The following LINGO2 variants were observed in gnomAD, a reference collection of about 807,000 sequenced individuals.
LINGO2 encodes leucine-rich repeat and immunoglobulin-like domain-containing nogo receptor-interacting protein 2.
LINGO2 carries 14 observed loss-of-function variants against 30.6 expected under a neutral mutation model. The ratio of observed to expected loss-of-function variants is 0.46; its 90% CI spans 0.30 to 0.72. The LOEUF is 0.72. Ranked by LOEUF, LINGO2 falls within the 30% of genes least tolerant of loss-of-function variation. The probability of loss-of-function intolerance (pLI) is 0.07; values close to 1 mark genes in which losing one functional copy is unlikely to be tolerated. For missense variants in LINGO2, 729 were observed against 751.7 expected (o/e 0.97, Z 0.35); for synonymous variants, 317 against 288.5 (o/e 1.10, Z -1.00).
the LINGO2 span, among the ~76,000 whole-genome samples, chr9:28,942,025 G>C: frequency 3.9e-4 from 59 of 152,062 alleles, no homozygotes; most frequent in Non-Finnish European, 6.5e-4. Flanking sequence ...TTTTGTTCCT[G>C]ACTCTTCCCT....
At position 28,616,116 on chromosome 9, in the gene LINGO2, G is replaced by A. The variant is rs77033067; in HGVS notation, c.-365+54084C>T. On this transcript the variant is annotated intron_variant, in intron 1 of 5. Coordinates refer to ENST00000379992, the Ensembl canonical transcript of LINGO2. The stretch of plus-strand genomic sequence containing the variant: ...TCAATTTGTGAAAGTTCATCAAGCT[G>A]TACATTAATGATTTGTGTACTTTTC... Among the ~76,000 whole-genome samples, 228 of 152,196 alleles carry A rather than the reference G, an allele frequency of 1.5e-3. 1 individual carries two copies. The highest frequency in any genetic ancestry group is 2.6e-3 in the Non-Finnish European group (175 of 67,992).
intron 2 of LINGO2, among the ~76,000 whole-genome samples, chr9:28,392,451 G>C (rs1283422050): frequency 6.6e-6 from 1 of 152,162 alleles, no homozygotes; most frequent in East Asian, 1.9e-4. Flanking sequence ...TTACACATTA[G>C]TGAGTAGAAA....
intron 5 of LINGO2, among the ~76,000 whole-genome samples, chr9:27,965,303 TC>T (rs1375293094): frequency 9.2e-5 from 14 of 151,998 alleles, no homozygotes; most frequent in Admixed American, 2.6e-4. Context: ...TTTTTTGAGC[TC>T]TTAACTTTTA....
chr9:28,032,150 C>CA (rs1462113653), intron 4 of LINGO2, among the ~76,000 whole-genome samples: 1 of 151,968 alleles, frequency 6.6e-6, no homozygotes, highest in Non-Finnish European at 1.5e-5. Context: ...GCTGTCCTGT[C>CA]ATGAAGTAGG....
chr9:28,973,638 T>C, the LINGO2 span, among the ~76,000 whole-genome samples: 2 of 152,200 alleles, frequency 1.3e-5, no homozygotes, highest in East Asian at 1.9e-4. Context: ...TCCCCAGCCA[T>C]GTGGAACTGT....
At chr9:28,457,269 A>G (rs1824888510) in intron 2 of LINGO2, among the ~76,000 whole-genome samples, 1 of 152,196 alleles carries the variant, frequency 6.6e-6, no homozygotes, top group Non-Finnish European at 1.5e-5. Context: ...TATATAGCTA[A>G]TCACATAGTA....
chr9:29,007,905 A>C, the LINGO2 span, among the ~76,000 whole-genome samples: 3 of 152,026 alleles, frequency 2.0e-5, no homozygotes, highest in Non-Finnish European at 4.4e-5. Context: ...GATATTCTTG[A>C]AAGCCGTAAT....
intron 4 of LINGO2, among the ~76,000 whole-genome samples, chr9:28,248,746 C>G (rs1822092916): frequency 6.6e-6 from 1 of 152,098 alleles, no homozygotes; most frequent in Non-Finnish European, 1.5e-5. Context: ...TATACAACTA[C>G]TATGTATCCA....
At chr9:28,400,850 A>G (rs1157579237) in intron 2 of LINGO2, among the ~76,000 whole-genome samples, 1 of 152,242 alleles carries the variant, frequency 6.6e-6, no homozygotes, top group African/African-American at 2.4e-5. Context: ...TTAATTCAAC[A>G]TATGAGGGTG....
At chr9:28,033,532 G>T (rs1823784351) in intron 4 of LINGO2, among the ~76,000 whole-genome samples, 1 of 152,178 alleles carries the variant, frequency 6.6e-6, no homozygotes, top group South Asian at 2.1e-4. Context: ...CGGTATAGTT[G>T]TAAAAGGCTA....
the LINGO2 span, among the ~76,000 whole-genome samples, chr9:29,154,823 C>A: frequency 6.6e-6 from 1 of 152,090 alleles, no homozygotes; most frequent in Non-Finnish European, 1.5e-5. Flanking sequence ...GAGGGGAAAG[C>A]AAAAATTCTG....
At chr9:29,029,892 A>G in the LINGO2 span, among the ~76,000 whole-genome samples, 1 of 152,020 alleles carries the variant, frequency 6.6e-6, no homozygotes, top group Admixed American at 6.6e-5. Context: ...ACATATTGGA[A>G]GACATTCCAC....
At chr9:29,122,356 G>A in the LINGO2 span, among the ~76,000 whole-genome samples, 9 of 151,874 alleles carry the variant, frequency 5.9e-5, no homozygotes, top group East Asian at 1.2e-3. Context: ...ATCACATTGC[G>A]TTTACTTGTG....
At chr9:28,601,129 C>T (rs1403507259) in intron 1 of LINGO2, among the ~76,000 whole-genome samples, 1 of 152,064 alleles carries the variant, frequency 6.6e-6, no homozygotes, top group Non-Finnish European at 1.5e-5. Flanking sequence ...TTTACACAGG[C>T]CTAGCAGTAC....
At chr9:27,953,506 C>T (rs1450776958) in intron 5 of LINGO2, among the ~76,000 whole-genome samples, 1 of 151,868 alleles carries the variant, frequency 6.6e-6, no homozygotes, top group African/African-American at 2.4e-5. Flanking sequence ...ATTATAATTC[C>T]CATAATCCCC....
At chr9:28,846,374 T>TAAAAGCA in the LINGO2 span, among the ~76,000 whole-genome samples, 1 of 151,542 alleles carries the variant, frequency 6.6e-6, no homozygotes, top group South Asian at 2.1e-4. Context: ...TTGGGATTAA[T>TAAAAGCA]TTATTTAGAA....
chr9:28,285,398 A>ATTTTTTTTT (rs34034595), intron 4 of LINGO2, among the ~76,000 whole-genome samples: 12 of 76,204 alleles, frequency 1.6e-4, no homozygotes, highest in East Asian at 4.4e-4. Context: ...GCCCAAGATC[A>ATTTTTTTTT]TTTTTTTTTT....
chr9:28,182,594 C>T (rs1427428169), intron 4 of LINGO2, among the ~76,000 whole-genome samples: 1 of 152,078 alleles, frequency 6.6e-6, no homozygotes, highest in Non-Finnish European at 1.5e-5. Flanking sequence ...CCAGAATTTA[C>T]AAGGAACTTA....
the LINGO2 span, among the ~76,000 whole-genome samples, chr9:28,864,756 T>A: frequency 6.6e-6 from 1 of 152,052 alleles, no homozygotes; most frequent in Non-Finnish European, 1.5e-5. Flanking sequence ...CCAAACTTGC[T>A]AAGTATCTGA....
Sources: gnomAD v4.1 joint callset for allele counts (sites outside exome capture counted in the v4.1 genomes callset) on GRCh38, gnomAD v4.1.1 for gene constraint, MANE v1.5 for transcripts, NCBI Gene and HGNC (gene_info 2026-07-23, HGNC 2026-07-21) for gene names.